Variants in BBX observed in about 807,000 individuals in gnomAD.
BBX encodes the protein BBX high mobility group box domain containing.
A neutral mutation model predicts 100.2 loss-of-function variants in BBX; 30 were observed. The ratio of observed to expected loss-of-function variants is 0.30; its 90% CI spans 0.22 to 0.41. BBX has a LOEUF of 0.41. Among genes scored for constraint, BBX ranks in the 10% least tolerant of loss-of-function variants. BBX has a pLI of 1.00. For synonymous variants in BBX, 376 were observed against 388.1 expected, an observed-to-expected ratio of 0.97 and a Z score of 0.37; for missense variants, 1,023 against 1,129.8, an observed-to-expected ratio of 0.91 and a Z score of 1.35.
intron 2 of BBX, among the ~76,000 whole-genome samples, chr3:107,543,257 A>G (rs767308823): frequency 6.6e-6 from 1 of 152,216 alleles, no homozygotes; most frequent in Non-Finnish European, 1.5e-5. Flanking sequence ...TTAAGAAACT[A>G]GGACCCAGGC....
At chr3:107,580,694 C>T (rs569510529) in intron 2 of BBX, among the ~76,000 whole-genome samples, 7 of 152,194 alleles carry the variant, frequency 4.6e-5, no homozygotes, top group South Asian at 2.1e-4. Flanking sequence ...TGCAGTGGCA[C>T]GATCTTGGCT....
chr3:107,570,952 A>G (rs1439957397), intron 2 of BBX, among the ~76,000 whole-genome samples: 1 of 152,200 alleles, frequency 6.6e-6, no homozygotes, highest in African/African-American at 2.4e-5. Context: ...GACAAAAATC[A>G]TCCAGATAAA....
chr3:107,611,088 G>C (rs1333996502), intron 2 of BBX, among the ~76,000 whole-genome samples: 1 of 152,024 alleles, frequency 6.6e-6, no homozygotes, highest in African/African-American at 2.4e-5. Flanking sequence ...ACTTAACACT[G>C]CTTGCCTAAA....
chr3:107,606,285 A>G (rs1484421083), intron 2 of BBX, among the ~76,000 whole-genome samples: 1 of 152,250 alleles, frequency 6.6e-6, no homozygotes, highest in Non-Finnish European at 1.5e-5. Flanking sequence ...TATGTTCACT[A>G]TATTGTAGTT....
At chr3:107,524,881 A>G (rs1361444134) in intron 1 of BBX, among the ~76,000 whole-genome samples, 1 of 150,744 alleles carries the variant, frequency 6.6e-6, no homozygotes, top group Non-Finnish European at 1.5e-5. Context: ...GCTAATGGTC[A>G]TTGGCCTGGG....
chr3:107,621,876 A>G (rs922734498), intron 2 of BBX, among the ~76,000 whole-genome samples: 3 of 152,186 alleles, frequency 2.0e-5, no homozygotes, highest in African/African-American at 7.2e-5. Flanking sequence ...ACTCTTATTC[A>G]TAGATACACC....
At chr3:107,669,488 G>A (rs147004082) in intron 3 of BBX, among the ~76,000 whole-genome samples, 10 of 152,100 alleles carry the variant, frequency 6.6e-5, no homozygotes, top group South Asian at 2.1e-4. Flanking sequence ...AAAAAGATGC[G>A]GAATACCAAA....
rs1316969868 is a variant in BBX at position 107,732,942 on chromosome 3, T to A, written c.602-14T>A. On this transcript the variant is annotated splice_polypyrimidine_tract_variant and intron_variant, in intron 6 of 17. Transcript: ENST00000325805. The stretch of plus-strand genomic sequence containing the variant: ...TATGCTTATAAGTTGGTGATTTGTT[T>A]TTGACTTATTTAGATCCTACTCAAA... The A allele has an allele frequency of 6.2e-7, 1 of 1,610,606 alleles. No homozygotes were observed. The highest frequency in any genetic ancestry group is 1.1e-5 in the South Asian group (1 of 90,568).
chr3:107,699,782 G>A (rs2108176012), intron 3 of BBX, among the ~76,000 whole-genome samples: 1 of 151,888 alleles, frequency 6.6e-6, no homozygotes. Flanking sequence ...AACTCCACAA[G>A]GGTATGGTGG....
At chr3:107,686,451 G>A (rs2059854228) in intron 3 of BBX, among the ~76,000 whole-genome samples, 1 of 150,738 alleles carries the variant, frequency 6.6e-6, no homozygotes, top group Admixed American at 6.6e-5. Flanking sequence ...TTCTTCTGGT[G>A]AATTTCTAAG....
chr3:107,560,534 G>A (rs2050412195), intron 2 of BBX, among the ~76,000 whole-genome samples: 1 of 152,172 alleles, frequency 6.6e-6, no homozygotes, highest in Admixed American at 6.6e-5. Context: ...TTCAGAAAGA[G>A]ATATTGTAAA....
chr3:107,598,303 C>T (rs903895079), intron 2 of BBX, among the ~76,000 whole-genome samples: 3 of 152,162 alleles, frequency 2.0e-5, no homozygotes, highest in Non-Finnish European at 4.4e-5. Context: ...ATCTATGCAT[C>T]TGTTTATAAA....
intron 10 of BBX, 113 bp downstream of exon 10, chr3:107,755,791 CA>C: frequency 3.4e-6 from 3 of 882,346 alleles, no homozygotes; most frequent in Non-Finnish European, 5.2e-6. Flanking sequence ...AAATGAGTTA[CA>C]TCTAATTTTC....
At chr3:107,550,593 T>G (rs765676405) in intron 2 of BBX, among the ~76,000 whole-genome samples, 1 of 152,092 alleles carries the variant, frequency 6.6e-6, no homozygotes, top group Non-Finnish European at 1.5e-5. Context: ...CAACAGAGTT[T>G]AGGGGCTCCA....
In BBX at chr3:107,790,944, A is replaced by G. The variant is rs543257133; in HGVS notation, c.2294-296A>G. Among the ~76,000 whole-genome samples, 34 of 152,316 alleles carry G rather than the reference A, an allele frequency of 2.2e-4. No homozygotes were observed. In the South Asian group the frequency reaches 6.6e-3, roughly 30 times the overall value. On this transcript the variant is annotated intron_variant, in intron 14 of 17. Transcript: ENST00000325805. Reference sequence around the variant, plus strand: ...GAAACATTATTCATTAGGTGAAAACATCAGCTTTTTTCATTCCGTTTTACT... The same window carrying G: ...GAAACATTATTCATTAGGTGAAAACGTCAGCTTTTTTCATTCCGTTTTACT...
intron 3 of BBX, among the ~76,000 whole-genome samples, chr3:107,671,850 C>T (rs548447173): frequency 2.6e-5 from 4 of 152,112 alleles, no homozygotes; most frequent in South Asian, 4.1e-4. Context: ...AATGACCACA[C>T]GAATGCAGCC....
At chr3:107,683,548 T>C (rs1377065367) in intron 3 of BBX, among the ~76,000 whole-genome samples, 1 of 152,170 alleles carries the variant, frequency 6.6e-6, no homozygotes, top group Non-Finnish European at 1.5e-5. Flanking sequence ...TAGATTGTCG[T>C]TCTTTTATTC....
intron 2 of BBX, among the ~76,000 whole-genome samples, chr3:107,640,602 G>C (rs2057130368): frequency 6.6e-6 from 1 of 152,038 alleles, no homozygotes; most frequent in African/African-American, 2.4e-5. Flanking sequence ...TTGTGTATGT[G>C]ATCACCCAAC....
chr3:107,551,071 G>T (rs1056703585), intron 2 of BBX, among the ~76,000 whole-genome samples: 1 of 151,916 alleles, frequency 6.6e-6, no homozygotes, highest in Admixed American at 6.5e-5. Context: ...AAAACATTAT[G>T]AAGGCAAAAA....
Sources: allele counts gnomAD v4.1 joint callset (sites outside exome capture counted in the v4.1 genomes callset), GRCh38; gene constraint gnomAD v4.1.1; transcripts MANE v1.5; gene names NCBI Gene and HGNC (gene_info 2026-07-23, HGNC 2026-07-21).